WWP2: variants seen among roughly 807,000 people sequenced by gnomAD.
The protein encoded by WWP2 is NEDD4-like E3 ubiquitin-protein ligase WWP2.
WWP2 carries 57 observed loss-of-function variants against 121.0 expected under a neutral mutation model. The observed-to-expected ratio is 0.47, with a 90% CI of 0.38 to 0.59. WWP2 has a LOEUF of 0.59. Among genes scored for constraint, WWP2 ranks in the 20% least tolerant of loss-of-function variants. The pLI, the probability that WWP2 is intolerant of heterozygous loss-of-function variation, is 0.00. For missense variants in WWP2, 962 were observed against 1,158.9 expected (o/e 0.83, Z 2.47); for synonymous variants, 449 against 441.3 (o/e 1.02, Z -0.22).
At chr16:69,844,767 T>A (rs2057039475) in intron 6 of WWP2, among the ~76,000 whole-genome samples, 1 of 152,188 alleles carries the variant, frequency 6.6e-6, no homozygotes, top group African/African-American at 2.4e-5. Flanking sequence ...CTTATCGGAG[T>A]CCTCTGCAGT....
intron 4 of WWP2, among the ~76,000 whole-genome samples, chr16:69,835,394 A>C (rs968695901): frequency 2.0e-5 from 3 of 152,204 alleles, no homozygotes; most frequent in African/African-American, 7.2e-5. Flanking sequence ...CCTCTGGCTC[A>C]ATTTTTTTAA....
At chr16:69,768,403 G>A (rs1031005217) in intron 1 of WWP2, among the ~76,000 whole-genome samples, 1 of 152,102 alleles carries the variant, frequency 6.6e-6, no homozygotes, top group Admixed American at 6.6e-5. Context: ...GAAGTCAGGA[G>A]TTTAAGACCA....
rs1289459522 is a variant in WWP2 at position 69,939,390 on chromosome 16, C to G, written c.2490C>G (p.Thr830=). The change falls in exon 23 of 24, where the codon ACC becomes ACG. Residue 830 remains threonine, a synonymous_variant. Transcript: ENST00000359154. The stretch of plus-strand genomic sequence containing the variant: ...GCATTGACAAAGTTGGCAAGGAAAC[C>G]TGGCTGCCCAGAAGCCACACCTGGT... ...KFCIDKVGKE[T]WLPRSHTCFN... The G allele has an allele frequency of 6.2e-7, 1 of 1,614,036 alleles. No individual in the cohort carries two copies.
intron 6 of WWP2, among the ~76,000 whole-genome samples, chr16:69,859,867 C>G (rs1417356101): frequency 1.3e-5 from 2 of 151,196 alleles, no homozygotes; most frequent in East Asian, 3.9e-4. Context: ...GCACCGCCCC[C>G]CACCCCCGCC....
chr16:69,892,223 G>T (rs887519049), intron 8 of WWP2, among the ~76,000 whole-genome samples: 1 of 151,878 alleles, frequency 6.6e-6, no homozygotes, highest in African/African-American at 2.4e-5. Flanking sequence ...AAGTTCTGGG[G>T]TATATATTTG....
chr16:69,883,988 A>T (rs935127082), intron 7 of WWP2, among the ~76,000 whole-genome samples: 4 of 152,202 alleles, frequency 2.6e-5, no homozygotes, highest in Non-Finnish European at 4.4e-5. Flanking sequence ...ATGTTACTAA[A>T]ACTTTAAAAA....
intron 7 of WWP2, among the ~76,000 whole-genome samples, chr16:69,873,342 A>G (rs547366393): frequency 1.1e-4 from 16 of 152,246 alleles, no homozygotes; most frequent in African/African-American, 3.9e-4. Context: ...GGACCACAAG[A>G]TGGAGTGGTC....
chr16:69,870,132 T>C (rs2057606584), intron 6 of WWP2, among the ~76,000 whole-genome samples: 1 of 152,186 alleles, frequency 6.6e-6, no homozygotes, highest in African/African-American at 2.4e-5. Flanking sequence ...TCTGTTTGCT[T>C]ATCTGTAAAG....
At chr16:69,860,405 C>T (rs1377690931) in intron 6 of WWP2, among the ~76,000 whole-genome samples, 1 of 152,142 alleles carries the variant, frequency 6.6e-6, no homozygotes, top group Non-Finnish European at 1.5e-5. Flanking sequence ...TCTCTGCCCT[C>T]ATGAATGTGT....
intron 4 of WWP2, among the ~76,000 whole-genome samples, chr16:69,809,776 AAGAG>A (rs1298238057): frequency 6.6e-6 from 1 of 151,134 alleles, no homozygotes; most frequent in Non-Finnish European, 1.5e-5. Flanking sequence ...CAGAAAGAGA[AAGAG>A]AGAGAGAGAC....
intron 8 of WWP2, among the ~76,000 whole-genome samples, chr16:69,896,747 C>T (rs1241094903): frequency 6.8e-6 from 1 of 147,434 alleles, no homozygotes; most frequent in African/African-American, 2.5e-5. Flanking sequence ...TTTTTTTAAA[C>T]ACTAACTACA....
chr16:69,918,965 T>A (rs1171845583), intron 10 of WWP2, among the ~76,000 whole-genome samples: 1 of 149,590 alleles, frequency 6.7e-6, no homozygotes, highest in Non-Finnish European at 1.5e-5. Flanking sequence ...TGCCCCAGCC[T>A]CCCAAGTAGC....
In WWP2 at chr16:69,798,716, AC is replaced by A. The variant is rs1398321426; in HGVS notation, c.107del (p.Pro36LeufsTer38). ...SAKPKVHNRQ[P>X]RINSYVEVAV... ...CAAAGCCCAAGGTGCATAATCGTCAACCTCGAATTAACTCCTACGTGGAGGT... is the reference window on the plus strand; with the variant it reads ...CAAAGCCCAAGGTGCATAATCGTCAACTCGAATTAACTCCTACGTGGAGGT... On this transcript the variant is annotated frameshift_variant, in exon 3 of 24. Coordinates refer to ENST00000359154, the MANE Select transcript of WWP2 (RefSeq NM_001270454.2). LOFTEE classifies it high-confidence loss of function. 2.5e-6 allele frequency: 4 copies of A among 1,613,886 alleles called. No individual in the cohort carries two copies. Among genetic ancestry groups the A allele is most frequent in the African/African-American group, 1.3e-5 (1 of 74,866 alleles).
chr16:69,924,709 C>T (rs892587435), intron 10 of WWP2, among the ~76,000 whole-genome samples: 26 of 148,640 alleles, frequency 1.7e-4, no homozygotes, highest in African/African-American at 6.2e-4. Context: ...CCCCCACCCC[C>T]CCCACCCCCA....
At position 69,830,467 on chromosome 16, in the gene WWP2, T is replaced by G. The variant is rs1269192078; in HGVS notation, c.341-9659T>G. ...TGGCTTTGTAAAAATGAGGCTATTTTCTCTAGAAGAGTTCATACAACCCTC... is the reference window on the plus strand; with the variant it reads ...TGGCTTTGTAAAAATGAGGCTATTTGCTCTAGAAGAGTTCATACAACCCTC... On this transcript the variant is annotated intron_variant, in intron 4 of 23. Transcript: ENST00000359154. Among the ~76,000 whole-genome samples the G allele has an allele frequency of 2.0e-5, 3 of 152,276 alleles. No individual in the cohort carries two copies. In the East Asian group the frequency reaches 5.8e-4, roughly 29 times the overall value.
rs2058620921 is a variant in WWP2 at position 69,925,142 on chromosome 16, C to G, written c.1180-288C>G. On this transcript the variant is annotated intron_variant, in intron 10 of 23. Transcript: ENST00000359154. This position sits in a 1 kb window ranked among gnomAD's most constrained non-coding sequence, Gnocchi z 4.0. ...AGGGCTGCTCCCTGCCTCCGCCACCCTGGCACACCTTCACCCGCGTACCGC... is the reference window on the plus strand; with the variant it reads ...AGGGCTGCTCCCTGCCTCCGCCACCGTGGCACACCTTCACCCGCGTACCGC... 8.5e-7 allele frequency: 1 copy of G among 1,174,188 alleles called. No homozygotes were observed. Among genetic ancestry groups the G allele is most frequent in the African/African-American group, 1.6e-5 (1 of 63,270 alleles). 72.7% of individuals were successfully genotyped at this position (1,174,188 alleles called of 1,614,324 possible).
chr16:69,855,670 A>C (rs80118156), intron 6 of WWP2, among the ~76,000 whole-genome samples: 90 of 152,310 alleles, frequency 5.9e-4, no homozygotes, highest in African/African-American at 2.1e-3. Flanking sequence ...AACCATGAGG[A>C]TATCTGGGGA....
intron 17 of WWP2, among the ~76,000 whole-genome samples, chr16:69,934,340 C>T (rs1248123894): frequency 1.3e-5 from 2 of 152,086 alleles, no homozygotes; most frequent in Non-Finnish European, 2.9e-5. Flanking sequence ...TCTCGGGGCT[C>T]CACCCTTTGC....
chr16:69,797,694 G>A (rs1597683793), intron 2 of WWP2, among the ~76,000 whole-genome samples: 1 of 151,260 alleles, frequency 6.6e-6, no homozygotes, highest in South Asian at 2.1e-4. Context: ...TTTGAGACCA[G>A]CCTGGCCAAC....
Sources: gnomAD v4.1 joint callset for allele counts (sites outside exome capture counted in the v4.1 genomes callset) on GRCh38, gnomAD v4.1.1 for gene constraint, Gnocchi (gnomAD v3.1) non-coding constraint, MANE v1.5 for transcripts, NCBI Gene and HGNC (gene_info 2026-07-23, HGNC 2026-07-21) for gene names.